NKAIN2: variants seen among roughly 807,000 people sequenced by gnomAD.
NKAIN2 encodes sodium/potassium transporting ATPase interacting 2, also known as sodium/potassium-transporting ATPase subunit beta-1-interacting protein 2.
NKAIN2 carries 14 observed loss-of-function variants against 32.6 expected under a neutral mutation model. That is an observed-to-expected ratio of 0.43 (90% confidence interval 0.28 to 0.67). NKAIN2 has a LOEUF of 0.67. Among genes scored for constraint, NKAIN2 ranks in the 30% least tolerant of loss-of-function variants. NKAIN2 has a pLI of 0.17. For synonymous variants in NKAIN2, 80 were observed against 87.2 expected (o/e 0.92, Z 0.46); for missense variants, 198 against 258.3 (o/e 0.77, Z 1.60).
At chr6:124,291,229 T>C (rs1411361413) in intron 2 of NKAIN2, among the ~76,000 whole-genome samples, 3 of 152,140 alleles carry the variant, frequency 2.0e-5, no homozygotes, top group African/African-American at 7.2e-5. Flanking sequence ...GTGTTACTGA[T>C]GGCCAGTCTG....
chr6:124,754,942 T>G (rs968859985), intron 4 of NKAIN2, among the ~76,000 whole-genome samples: 6 of 152,110 alleles, frequency 3.9e-5, no homozygotes, highest in African/African-American at 1.4e-4. Flanking sequence ...CTGTAATAGT[T>G]AAGATTCTCC....
intron 2 of NKAIN2, among the ~76,000 whole-genome samples, chr6:124,334,009 A>G (rs1797769176): frequency 6.6e-6 from 1 of 152,210 alleles, no homozygotes; most frequent in Admixed American, 6.5e-5. Flanking sequence ...AAGTTTTTAT[A>G]TTCCATGATA....
At chr6:123,978,385 TC>T (rs1213013595) in intron 1 of NKAIN2, among the ~76,000 whole-genome samples, 4 of 152,308 alleles carry the variant, frequency 2.6e-5, no homozygotes, top group Admixed American at 6.5e-5. Flanking sequence ...CAACTTTAAA[TC>T]ACTCTGCAGT....
chr6:123,952,064 G>A (rs1417823394), intron 1 of NKAIN2, among the ~76,000 whole-genome samples: 1 of 151,964 alleles, frequency 6.6e-6, no homozygotes. Flanking sequence ...ACTTCGTTAA[G>A]CATTTCTTGT....
chr6:124,795,926 C>G (rs1779977223), intron 5 of NKAIN2, among the ~76,000 whole-genome samples: 1 of 152,148 alleles, frequency 6.6e-6, no homozygotes, highest in African/African-American at 2.4e-5. Flanking sequence ...TACATCATAG[C>G]AGACACTATA....
chr6:124,214,857 A>T (rs900041858), intron 1 of NKAIN2, among the ~76,000 whole-genome samples: 12 of 152,208 alleles, frequency 7.9e-5, no homozygotes, highest in African/African-American at 2.7e-4. Flanking sequence ...TATCCAGACT[A>T]TTCCTGCAGG....
intron 3 of NKAIN2, among the ~76,000 whole-genome samples, chr6:124,415,274 C>A (rs961574460): frequency 1.1e-4 from 17 of 152,154 alleles, no homozygotes; most frequent in African/African-American, 3.6e-4. Context: ...AATTGGGGAT[C>A]CCACTCTCCC....
chr6:124,787,462 T>G (rs1015240875), intron 4 of NKAIN2, among the ~76,000 whole-genome samples: 6 of 152,102 alleles, frequency 3.9e-5, no homozygotes, highest in African/African-American at 1.4e-4. Flanking sequence ...AATTACTCAT[T>G]ACTGGAGGTG....
intron 1 of NKAIN2, among the ~76,000 whole-genome samples, chr6:124,245,594 C>A (rs1340621107): frequency 6.6e-6 from 1 of 152,030 alleles, no homozygotes; most frequent in Non-Finnish European, 1.5e-5. Flanking sequence ...ATCAGTGCTT[C>A]AGTAACTGAT....
At chr6:124,394,499 A>ATAGG in intron 3 of NKAIN2, among the ~76,000 whole-genome samples, 1 of 145,674 alleles carries the variant, frequency 6.9e-6, no homozygotes, top group Admixed American at 6.7e-5. Context: ...AGATAGATAG[A>ATAGG]TAGATAGATT....
chr6:124,544,160 G>A (rs1346208911), intron 3 of NKAIN2, among the ~76,000 whole-genome samples: 1 of 152,164 alleles, frequency 6.6e-6, no homozygotes, highest in Non-Finnish European at 1.5e-5. Context: ...GAACTTTCTT[G>A]TGAGAGACCC....
intron 4 of NKAIN2, among the ~76,000 whole-genome samples, chr6:124,777,671 A>ATAGTGAAGT (rs1330798288): frequency 4.6e-5 from 7 of 152,188 alleles, no homozygotes. Flanking sequence ...ATAACTTGGA[A>ATAGTGAAGT]TAGTGAAGTT....
intron 1 of NKAIN2, among the ~76,000 whole-genome samples, chr6:124,010,376 C>T (rs1582923969): frequency 1.3e-5 from 2 of 151,950 alleles, no homozygotes; most frequent in East Asian, 3.8e-4. Flanking sequence ...TAGTTCATAG[C>T]TATGGACTTG....
intron 3 of NKAIN2, among the ~76,000 whole-genome samples, chr6:124,553,246 AG>A (rs1187672032): frequency 6.6e-6 from 1 of 152,242 alleles, no homozygotes; most frequent in Non-Finnish European, 1.5e-5. Context: ...GGTAGATAAA[AG>A]GGACAGAACT....
intron 1 of NKAIN2, 111 bp downstream of exon 1, chr6:123,804,365 A>C: frequency 1.1e-6 from 1 of 930,370 alleles, no homozygotes; most frequent in South Asian, 1.3e-5. Flanking sequence ...GATAAAAGAG[A>C]AGGTGACAGA....
At chr6:124,380,637 C>A (rs1005522372) in intron 3 of NKAIN2, among the ~76,000 whole-genome samples, 1 of 152,052 alleles carries the variant, frequency 6.6e-6, no homozygotes, top group Non-Finnish European at 1.5e-5. Flanking sequence ...CTTGGGGAAC[C>A]CTGATACTCT....
chr6:124,199,331 G>T (rs1790493280), intron 1 of NKAIN2, among the ~76,000 whole-genome samples: 2 of 152,160 alleles, frequency 1.3e-5, no homozygotes, highest in Non-Finnish European at 2.9e-5. Context: ...ATCATGAAAG[G>T]TGAATGCGAG....
intron 1 of NKAIN2, among the ~76,000 whole-genome samples, chr6:124,208,585 ATATAT>A (rs1195646795): frequency 4.6e-5 from 7 of 151,480 alleles, no homozygotes; most frequent in Admixed American, 1.3e-4. Flanking sequence ...ACAATCCCAG[ATATAT>A]TATATTTACC....
Position 124,002,458 on chromosome 6 carries a change from T to G in NKAIN2, c.54+198204T>G, listed in dbSNP as rs551687421. Among the ~76,000 whole-genome samples, 208 of 152,106 alleles carry G rather than the reference T, an allele frequency of 1.4e-3. 4 individuals are homozygous for G. The highest frequency in any genetic ancestry group is 0.01 in the Middle Eastern group (3 of 294). ...GTTTTCCTATCTGTCCCTTTTTTTT[T>G]CCCCCTTACCAATCTCCTACTTCAT... On this transcript the variant is annotated intron_variant, in intron 1 of 6. Coordinates refer to ENST00000368417, the MANE Select transcript of NKAIN2 (RefSeq NM_001040214.3).
Sources: allele counts gnomAD v4.1 joint callset (sites outside exome capture counted in the v4.1 genomes callset), GRCh38; gene constraint gnomAD v4.1.1; transcripts MANE v1.5; gene names NCBI Gene and HGNC (gene_info 2026-07-23, HGNC 2026-07-21).